The following LRRC55 variants were observed in gnomAD, a reference collection of about 807,000 sequenced individuals.
The protein encoded by LRRC55 is leucine-rich repeat-containing protein 55.
LRRC55 carries 11 observed loss-of-function variants against 20.5 expected under a neutral mutation model. The observed-to-expected ratio is 0.54, with a 90% CI of 0.34 to 0.89. LRRC55 has a LOEUF of 0.89. LRRC55 is among the 40% of genes least tolerant of loss of function. LRRC55 has a pLI of 0.02. For missense variants in LRRC55, 358 were observed against 390.9 expected (o/e 0.92, Z 0.71); for synonymous variants, 188 against 166.6 (o/e 1.13, Z -0.99).
In LRRC55 at chr11:57,187,640, C is replaced by T; in HGVS notation, c.*160C>T. 8.6e-6 allele frequency: 6 copies of T among 701,296 alleles called. No homozygotes were observed. Among genetic ancestry groups the T allele is most frequent in the Non-Finnish European group, 1.5e-5 (6 of 406,552 alleles). The allele number at this position is 701,296 out of a possible 1,614,324, so 43.4% of individuals were successfully genotyped here. ...ATTTTGTATGAGCATCTGCTTTGGG[C>T]CAGGCGGCACGCTAGGAATTGGGAA... On this transcript the variant is annotated 3_prime_UTR_variant, in exon 2 of 2. Coordinates refer to ENST00000497933, the MANE Select transcript of LRRC55 (RefSeq NM_001005210.4).
Position 57,190,982 on chromosome 11 carries a change from C to A in LRRC55, c.*3502C>A, listed in dbSNP as rs1297863696. 9 of 152,156 alleles carry A rather than the reference C, an allele frequency of 5.9e-5. No individual in the cohort carries two copies. Among genetic ancestry groups the A allele is most frequent in the African/African-American group, 2.2e-4 (9 of 41,450 alleles). The allele number at this position is 152,156 out of a possible 1,614,324, so 9.4% of individuals were successfully genotyped here. A position where few individuals can be genotyped will look rare whatever the true frequency, so the allele number is the denominator to read the frequency against. ...TCTCTCCTGCGCCTCAGAGACTTGT[C>A]CCCATTGCAGAAGCTTCCTCCATGC... On this transcript the variant is annotated 3_prime_UTR_variant, in exon 2 of 2. Coordinates refer to ENST00000497933, the MANE Select transcript of LRRC55 (RefSeq NM_001005210.4).
At chr11:57,187,096 G>C (rs1854440498) in intron 1 of LRRC55, 149 bp from the exon 2 acceptor site, 1 of 723,768 alleles carries the variant, frequency 1.4e-6, no homozygotes, top group African/African-American at 1.8e-5. Context: ...AGTTGTTGAG[G>C]GAACTAAAGG....
In LRRC55 at chr11:57,191,651, A is replaced by G. The variant is rs910010802; in HGVS notation, c.*4171A>G. On this transcript the variant is annotated 3_prime_UTR_variant, in exon 2 of 2. Transcript: ENST00000497933. ...TATGGAGATGATTTTATAACCATGC[A>G]CTTTTGTAACTGTGCAGAATTTTTC... The G allele has an allele frequency of 6.6e-6, 1 of 152,180 alleles. No individual in the cohort carries two copies. Among genetic ancestry groups the G allele is most frequent in the Non-Finnish European group, 1.5e-5 (1 of 68,044 alleles). 9.4% of individuals were successfully genotyped at this position (152,180 alleles called of 1,614,324 possible). A position where few individuals can be genotyped will look rare whatever the true frequency, so the allele number is the denominator to read the frequency against.
Position 57,187,487 on chromosome 11 carries a change from T to G in LRRC55, c.*7T>G. 1.9e-5 allele frequency: 30 copies of G among 1,611,618 alleles called. No homozygotes were observed. The highest frequency in any genetic ancestry group is 2.5e-5 in the Non-Finnish European group (30 of 1,178,888). ...TGAAGAGGAAGAGATCTGACATGCC[T>G]GCCTCTCATCCCTCCATGCTGCTGA... On this transcript the variant is annotated 3_prime_UTR_variant, in exon 2 of 2. Coordinates refer to ENST00000497933, the MANE Select transcript of LRRC55 (RefSeq NM_001005210.4).
In LRRC55 at chr11:57,182,126, G is replaced by T; in HGVS notation, c.104G>T (p.Gly35Val). ...GCCGGGTTGATGCACTCGGATGCCG[G>T]CACCAGCTGCCCCGTCCTTTGCACA... ...LAAGLMHSDAGTSCPVLCTCR... is the reference protein window; with the variant it reads ...LAAGLMHSDAVTSCPVLCTCR... The change falls in exon 1 of 2, where the codon GGC becomes GTC. Residue 35 changes from glycine (G) to valine (V), a missense_variant. By Grantham distance (109) the Gly-to-Val change is moderately radical. Around this residue, in one of 3 missense-constraint regions of LRRC55, gnomAD observed 175 missense variants for 164.5 expected, o/e 1.06. Coordinates refer to ENST00000497933, the MANE Select transcript of LRRC55 (RefSeq NM_001005210.4). 6.2e-7 allele frequency: 1 copy of T among 1,614,136 alleles called. No individual in the cohort carries two copies. The highest frequency in any genetic ancestry group is 2.2e-5 in the East Asian group (1 of 44,880).
chr11:57,189,927 C>T lies in LRRC55; in HGVS notation c.*2447C>T, dbSNP rs1854486440. 1 of 152,184 alleles carries T rather than the reference C, an allele frequency of 6.6e-6. No homozygotes were observed. Among genetic ancestry groups the T allele is most frequent in the Non-Finnish European group, 1.5e-5 (1 of 68,084 alleles). The allele number at this position is 152,184 out of a possible 1,614,324, so 9.4% of individuals were successfully genotyped here. A position where few individuals can be genotyped will look rare whatever the true frequency, so the allele number is the denominator to read the frequency against. ...ACCTGAAGTACTTGAACCTGTGTCCCCTGAATCTTTCTTACAACATCTGGG... is the reference window on the plus strand; with the variant it reads ...ACCTGAAGTACTTGAACCTGTGTCCTCTGAATCTTTCTTACAACATCTGGG... On this transcript the variant is annotated 3_prime_UTR_variant, in exon 2 of 2. Transcript: ENST00000497933.
rs1450334378 is a variant in LRRC55 at position 57,187,332 on chromosome 11, A to ACCTGAC, written c.760_765dup (p.Thr254_Leu255dup). The ACCTGAC allele has an allele frequency of 6.2e-7, 1 of 1,614,014 alleles. No individual in the cohort carries two copies. The highest frequency in any genetic ancestry group is 8.5e-7 in the Non-Finnish European group (1 of 1,180,014). On this transcript the variant is annotated inframe_insertion, in exon 2 of 2. Coordinates refer to ENST00000497933, the MANE Select transcript of LRRC55 (RefSeq NM_001005210.4). Reference sequence around the variant, plus strand: ...ACTGAGGAGAGCTTCAAGGCCTGCCACCTGACCCTGACCCTGGATGATTAC... The same window carrying ACCTGAC: ...ACTGAGGAGAGCTTCAAGGCCTGCCACCTGACCCTGACCCTGACCCTGGATGATTAC...
chr11:57,183,013 G>T (rs1233835101), intron 1 of LRRC55, among the ~76,000 whole-genome samples: 1 of 152,084 alleles, frequency 6.6e-6, no homozygotes, highest in African/African-American at 2.4e-5. Context: ...CTAAGATCTT[G>T]GCATCCATTA....
rs1854371626 is a variant in LRRC55, at chr11:57,182,419, T to C, written c.397T>C (p.Phe133Leu). The C allele has an allele frequency of 6.2e-7, 1 of 1,613,118 alleles. No individual in the cohort carries two copies. Among genetic ancestry groups the C allele is most frequent in the East Asian group, 2.2e-5 (1 of 44,884 alleles). Residue 133 changes from phenylalanine to leucine, a missense_variant, in exon 1 of 2, where the codon TTC becomes CTC. By Grantham distance (22) the Phe-to-Leu change is conservative (BLOSUM62 0). Coordinates refer to ENST00000497933, the MANE Select transcript of LRRC55 (RefSeq NM_001005210.4). ...TTTCAGCCATGTGCCAGCCGACATG[T>C]TCCAGGAGGCCCATGGGCTAGTCCA... ...NNFSHVPADM[F>L]QEAHGLVHID...
At chr11:57,185,631 T>C (rs1022833167) in intron 1 of LRRC55, among the ~76,000 whole-genome samples, 11 of 151,554 alleles carry the variant, frequency 7.3e-5, no homozygotes, top group Admixed American at 6.6e-4. Flanking sequence ...AGGCAGAGCA[T>C]GAGAGCCAGA....
chr11:57,182,572 G>A lies in LRRC55; in HGVS notation c.550G>A (p.Gly184Ser), dbSNP rs865787985. The A allele has an allele frequency of 1.3e-6, 2 of 1,540,554 alleles. No homozygotes were observed. The highest frequency in any genetic ancestry group is 8.7e-7 in the Non-Finnish European group (1 of 1,143,550). ...LAFLSLEALE[G>S]LPGLVTLQIG... ...CTTCCTCAGCCTGGAGGCTCTTGAG[G>A]GCCTACCGGGGCTGGTGACCCTGCA... Residue 184 changes from glycine (G) to serine (S), a missense_variant, in exon 1 of 2, where the codon GGC becomes AGC. Physicochemically the swap from Gly to Ser is moderately conservative, Grantham distance 56. This residue lies in a region of LRRC55 where 178 missense variants were observed against 207.9 expected (regional missense o/e 0.86). Transcript: ENST00000497933.
rs761985094 is a variant in LRRC55 at position 57,182,285 on chromosome 11, A to G, written c.263A>G (p.Tyr88Cys). Residue 88 changes from tyrosine to cysteine, a missense_variant, in exon 1 of 2, where the codon TAC (tyrosine) becomes TGC (cysteine). Tyr to Cys is a radical substitution (Grantham distance 194). This residue lies in a region of LRRC55 where 175 missense variants were observed against 164.5 expected (regional missense o/e 1.06). Transcript: ENST00000497933. ...GTGCCGCCTGGCTACCTCACATGCTACATGGAGCTCCAGGTGCTGGATTTG... is the reference window on the plus strand; with the variant it reads ...GTGCCGCCTGGCTACCTCACATGCTGCATGGAGCTCCAGGTGCTGGATTTG... ...TAVPPGYLTC[Y>C]MELQVLDLHN... 3.7e-6 allele frequency: 6 copies of G among 1,614,114 alleles called. No individual in the cohort carries two copies. The highest frequency in any genetic ancestry group is 4.2e-6 in the Non-Finnish European group (5 of 1,180,006).
At chr11:57,185,815 T>G (rs1229702530) in intron 1 of LRRC55, among the ~76,000 whole-genome samples, 1 of 152,052 alleles carries the variant, frequency 6.6e-6, no homozygotes, top group Non-Finnish European at 1.5e-5. Flanking sequence ...ACAGCCATCA[T>G]GCATTCATAA....
chr11:57,190,867 T>C lies in LRRC55; in HGVS notation c.*3387T>C, dbSNP rs1854500768. Reference sequence around the variant, plus strand: ...AGATGGAATCCCACCAGGTTTAGGGTAGGACTGGATGCTCAAAAAATAAAG... The same window carrying C: ...AGATGGAATCCCACCAGGTTTAGGGCAGGACTGGATGCTCAAAAAATAAAG... On this transcript the variant is annotated 3_prime_UTR_variant, in exon 2 of 2. Coordinates refer to ENST00000497933, the MANE Select transcript of LRRC55 (RefSeq NM_001005210.4). 1 of 152,134 alleles carries C rather than the reference T, an allele frequency of 6.6e-6. No homozygotes were observed. Among genetic ancestry groups the C allele is most frequent in the African/African-American group, 2.4e-5 (1 of 41,426 alleles). 9.4% of individuals were successfully genotyped at this position (152,134 alleles called of 1,614,324 possible).
At position 57,182,480 on chromosome 11, in the gene LRRC55, T is replaced by G. The variant is rs770347426; in HGVS notation, c.458T>G (p.Val153Gly). 6.2e-7 allele frequency: 1 copy of G among 1,609,002 alleles called. No homozygotes were observed. Among genetic ancestry groups the G allele is most frequent in the Admixed American group, 1.7e-5 (1 of 59,932 alleles). The change falls in exon 1 of 2, where the codon GTG (valine) becomes GGG (glycine). Residue 153 changes from valine (V) to glycine (G), a missense_variant. Val to Gly is a moderately radical substitution (Grantham distance 109). Coordinates refer to ENST00000497933, the MANE Select transcript of LRRC55 (RefSeq NM_001005210.4). ...DLSHNPWLRR[V>G]HPQAFQGLMQ... ...AGCCACAACCCCTGGCTGCGGAGGG[T>G]GCATCCCCAGGCCTTTCAGGGCCTC...
Position 57,190,721 on chromosome 11 carries a change from C to T in LRRC55, c.*3241C>T, listed in dbSNP as rs989561102. ...GAGTGGCTAAATATGCATAAATAAG[C>T]ATGCCTAAATAGGCATATATAGGTT... is the stretch of plus-strand genomic sequence containing the variant. On this transcript the variant is annotated 3_prime_UTR_variant, in exon 2 of 2. Transcript: ENST00000497933. 1.3e-5 allele frequency: 2 copies of T among 152,202 alleles called. No individual in the cohort carries two copies. Among genetic ancestry groups the T allele is most frequent in the African/African-American group, 4.8e-5 (2 of 41,446 alleles). 9.4% of individuals were successfully genotyped at this position (152,202 alleles called of 1,614,324 possible). A position where few individuals can be genotyped will look rare whatever the true frequency, so the allele number is the denominator to read the frequency against.
At position 57,190,909 on chromosome 11, in the gene LRRC55, G is replaced by A. The variant is rs148079422; in HGVS notation, c.*3429G>A. 3 of 152,250 alleles carry A rather than the reference G, an allele frequency of 2.0e-5. No homozygotes were observed. Among genetic ancestry groups the A allele is most frequent in the Non-Finnish European group, 4.4e-5 (3 of 68,034 alleles). 9.4% of individuals were successfully genotyped at this position (152,250 alleles called of 1,614,324 possible). A position where few individuals can be genotyped will look rare whatever the true frequency, so the allele number is the denominator to read the frequency against. ...AAAATAAAGAAGGAGAAAAATCTGT[G>A]GCAGAGGCATCCTAATGAGAACCTG... On this transcript the variant is annotated 3_prime_UTR_variant, in exon 2 of 2. Coordinates refer to ENST00000497933, the MANE Select transcript of LRRC55 (RefSeq NM_001005210.4).
intron 1 of LRRC55, among the ~76,000 whole-genome samples, chr11:57,185,684 A>T (rs1854423543): frequency 6.6e-6 from 1 of 152,156 alleles, no homozygotes; most frequent in South Asian, 2.1e-4. Flanking sequence ...AGCTTGATTA[A>T]TATTTATCCA....
chr11:57,187,639 G>A lies in LRRC55; in HGVS notation c.*159G>A, dbSNP rs1222952172. On this transcript the variant is annotated 3_prime_UTR_variant, in exon 2 of 2. Transcript: ENST00000497933. ...CATTTTGTATGAGCATCTGCTTTGG[G>A]CCAGGCGGCACGCTAGGAATTGGGA... is the stretch of plus-strand genomic sequence containing the variant. 4 of 712,088 alleles carry A rather than the reference G, an allele frequency of 5.6e-6. No individual in the cohort carries two copies. The highest frequency in any genetic ancestry group is 5.1e-5 in the Admixed American group (2 of 39,348). 44.1% of individuals were successfully genotyped at this position (712,088 alleles called of 1,614,324 possible). A position where few individuals can be genotyped will look rare whatever the true frequency, so the allele number is the denominator to read the frequency against.
Sources: allele counts gnomAD v4.1 joint callset (sites outside exome capture counted in the v4.1 genomes callset), GRCh38; gene constraint gnomAD v4.1.1; regional missense constraint gnomAD v4.1.1; transcripts MANE v1.5; gene names NCBI Gene and HGNC (gene_info 2026-07-23, HGNC 2026-07-21).